VIPR1: variants seen among roughly 807,000 people sequenced by gnomAD.
VIPR1 encodes the protein vasoactive intestinal polypeptide receptor 1.
VIPR1 carries 59 observed loss-of-function variants against 58.8 expected under a neutral mutation model. That is an observed-to-expected ratio of 1.00 (90% CI 0.81 to 1.25). The LOEUF is 1.25. VIPR1 is among the 50% of genes most tolerant of loss of function. The pLI, the probability that VIPR1 is intolerant of heterozygous loss-of-function variation, is 0.00. For missense variants in VIPR1, 626 were observed against 602.7 expected (o/e 1.04, Z -0.40); for synonymous variants, 251 against 242.1 (o/e 1.04, Z -0.34).
intron 1 of VIPR1, chr3:42,506,484 T>C (rs1700125533): frequency 6.6e-6 from 1 of 152,226 alleles, no homozygotes; most frequent in East Asian, 1.9e-4. Context: ...CCATTGAAAA[T>C]GTCAGTATGT....
At chr3:42,496,072 A>T (rs1190315220) in intron 1 of VIPR1, among the ~76,000 whole-genome samples, 3 of 152,112 alleles carry the variant, frequency 2.0e-5, no homozygotes, top group African/African-American at 7.2e-5. Context: ...TCCCGTCTCT[A>T]CTAAAAATAC....
At chr3:42,490,664 T>C (rs775661485) in intron 1 of VIPR1, among the ~76,000 whole-genome samples, 7 of 151,914 alleles carry the variant, frequency 4.6e-5, no homozygotes, top group Non-Finnish European at 7.4e-5. Context: ...AGAGACACAA[T>C]ACCTTGGAAG....
At chr3:42,522,118 T>A (rs1213213295) in intron 3 of VIPR1, among the ~76,000 whole-genome samples, 42 of 107,550 alleles carry the variant, frequency 3.9e-4, no homozygotes, top group African/African-American at 1.6e-3. Context: ...TTTTTTTTTT[T>A]TTTTTTTTTT....
upstream of VIPR1, among the ~76,000 whole-genome samples, chr3:42,501,387 T>C (rs2125627414): frequency 6.6e-6 from 1 of 152,280 alleles, no homozygotes; most frequent in Admixed American, 6.5e-5. The surrounding 1 kb of genome is among the most constrained non-coding windows in gnomAD (Gnocchi z 4.8). Flanking sequence ...CCGCACATTC[T>C]GCTCAGGGCT....
At chr3:42,513,005 A>G (rs1339439895) in intron 1 of VIPR1, 2 of 968,406 alleles carry the variant, frequency 2.1e-6, no homozygotes, top group Admixed American at 6.2e-5. Context: ...GCCAGGGTAC[A>G]GGGAGGGGAA....
At chr3:42,525,760 G>A (rs922823295) in intron 3 of VIPR1, 127 bp from the exon 4 acceptor site, 3 of 1,017,650 alleles carry the variant, frequency 2.9e-6, no homozygotes, top group Middle Eastern at 3.2e-4. Context: ...GGTCAGGGCA[G>A]CTGGAACCTG....
chr3:42,520,943 C>T (rs534954296), intron 3 of VIPR1, among the ~76,000 whole-genome samples: 2 of 152,240 alleles, frequency 1.3e-5, no homozygotes, highest in South Asian at 4.1e-4. Flanking sequence ...TCACCTCCTC[C>T]AGGGACACCC....
intron 1 of VIPR1, among the ~76,000 whole-genome samples, chr3:42,512,582 G>T (rs1700409132): frequency 6.6e-6 from 1 of 152,264 alleles, no homozygotes; most frequent in Admixed American, 6.5e-5. Flanking sequence ...GGCAGGGGAG[G>T]TGGTTGAGGC....
upstream of VIPR1, among the ~76,000 whole-genome samples, chr3:42,500,625 A>G (rs1026355850): frequency 6.6e-6 from 1 of 152,120 alleles, no homozygotes; most frequent in African/African-American, 2.4e-5. Context: ...AGCACAAGTA[A>G]CTTCCCAGGA....
chr3:42,498,538 A>G (rs1325814717), upstream of VIPR1, among the ~76,000 whole-genome samples: 4 of 151,938 alleles, frequency 2.6e-5, no homozygotes, highest in East Asian at 7.7e-4. Flanking sequence ...AGTTAGCACC[A>G]CCCTTCCCCG....
chr3:42,518,354 A>T (rs1361239310), intron 2 of VIPR1, among the ~76,000 whole-genome samples: 2 of 152,186 alleles, frequency 1.3e-5, no homozygotes, highest in Admixed American at 1.3e-4. Context: ...CTCTTAGTGA[A>T]GTTCAGAACA....
Position 42,534,978 on chromosome 3 carries a change from G to T in VIPR1, c.1014G>T (p.Arg338Ser). The T allele has an allele frequency of 1.2e-6, 2 of 1,614,076 alleles. No homozygotes were observed. Among genetic ancestry groups the T allele is most frequent in the Non-Finnish European group, 1.7e-6 (2 of 1,179,976 alleles). The change falls in exon 11 of 13, where the codon AGG becomes AGT. Residue 338 changes from arginine to serine, a missense_variant. Transcript: ENST00000325123. ...IRKSDSSPYS[R>S]LARSTLLLIP... ...CCTGTCCCTCCCCTGTCTCCAGAAG[G>T]CTAGCCAGGTCCACACTCCTGCTGA...
At chr3:42,520,582 G>GTT (rs1276797308) in intron 3 of VIPR1, among the ~76,000 whole-genome samples, 2 of 152,176 alleles carry the variant, frequency 1.3e-5, no homozygotes, top group Non-Finnish European at 2.9e-5. Context: ...CTAGGCTTAG[G>GTT]TTTAATGAGC....
At chr3:42,489,387 G>A (rs551602728) in exon 1 of VIPR1, 4 of 152,354 alleles carry the variant, frequency 2.6e-5, no homozygotes, top group African/African-American at 9.6e-5. Flanking sequence ...CCAGGTTGGG[G>A]CATGTGACCA....
chr3:42,518,604 C>T lies in VIPR1; in HGVS notation c.185-619C>T, dbSNP rs193143161. Among the ~76,000 whole-genome samples the T allele has an allele frequency of 3.8e-3, 580 of 152,146 alleles. 5 individuals are homozygous for T. The highest frequency in any genetic ancestry group is 0.013 in the African/African-American group (537 of 41,516). ...AAATACAAAAATTAGCCGGGCGTGG[C>T]GGCATGGGCCTATAGTCCCAGCTAC... is the stretch of plus-strand genomic sequence containing the variant. On this transcript the variant is annotated intron_variant, in intron 2 of 12. Coordinates refer to ENST00000325123, the MANE Select transcript of VIPR1 (RefSeq NM_004624.4).
In VIPR1 at chr3:42,530,917, A is replaced by G. The variant is rs140570513; in HGVS notation, c.775A>G (p.Ile259Val). The change falls in exon 7 of 13, where the codon ATA (isoleucine) becomes GTA (valine). Residue 259 changes from isoleucine to valine, a missense_variant. Physicochemically the swap from Ile to Val is conservative, Grantham distance 29. Transcript: ENST00000325123. ...FSERKYFWGY[I>V]LIGWGVPSTF... is the part of the protein sequence containing the mutation. The stretch of plus-strand genomic sequence containing the variant: ...TGAGCGGAAGTACTTCTGGGGGTAC[A>G]TACTCATCGGCTGGGGTATGGTACC... 4.5e-5 allele frequency: 72 copies of G among 1,613,900 alleles called. No homozygotes were observed. The highest frequency in any genetic ancestry group is 6.0e-5 in the Non-Finnish European group (71 of 1,179,926).
At chr3:42,523,722 T>C (rs957379860) in intron 3 of VIPR1, among the ~76,000 whole-genome samples, 2 of 152,102 alleles carry the variant, frequency 1.3e-5, no homozygotes, top group Non-Finnish European at 2.9e-5. Context: ...TGCCATGTCA[T>C]TGGGCCTGGC....
Position 42,530,874 on chromosome 3 carries a change from T to A in VIPR1, c.732T>A (p.Leu244=). The A allele has an allele frequency of 6.2e-7, 1 of 1,614,106 alleles. No individual in the cohort carries two copies. ...LVEGLYLYTL[L]AVSFFSERKY... ...AGGGCCTCTACCTGTACACCCTGCTTGCCGTCTCCTTCTTCTCTGAGCGGA... is the reference window on the plus strand; with the variant it reads ...AGGGCCTCTACCTGTACACCCTGCTAGCCGTCTCCTTCTTCTCTGAGCGGA... The change falls in exon 7 of 13, where the codon CTT becomes CTA. Residue 244 remains leucine (L), a synonymous_variant. Transcript: ENST00000325123.
At chr3:42,525,733 G>A (rs753292442) in intron 3 of VIPR1, among the ~76,000 whole-genome samples, 154 bp from the exon 4 acceptor site, 2 of 152,142 alleles carry the variant, frequency 1.3e-5, no homozygotes, top group Admixed American at 6.5e-5. Flanking sequence ...GTGCCCCCAC[G>A]GTGCCCTGGG....
Sources: allele counts gnomAD v4.1 joint callset (sites outside exome capture counted in the v4.1 genomes callset), GRCh38; gene constraint gnomAD v4.1.1; non-coding constraint Gnocchi (gnomAD v3.1); transcripts MANE v1.5; gene names NCBI Gene and HGNC (gene_info 2026-07-23, HGNC 2026-07-21).